The following NBPF11 variants were observed in gnomAD, a reference collection of about 807,000 sequenced individuals.
NBPF11 encodes the protein NBPF member 11.
In NBPF11, 72 loss-of-function variants were observed where a neutral mutation model predicts 93.9. That is an observed-to-expected ratio of 0.77 (90% confidence interval 0.63 to 0.93). NBPF11 has a LOEUF of 0.93. NBPF11 is among the 40% of genes least tolerant of loss of function. The pLI, the probability that NBPF11 is intolerant of heterozygous loss-of-function variation, is 0.00. For synonymous variants in NBPF11, 224 were observed against 304.9 expected (o/e 0.73, Z 2.76); for missense variants, 705 against 802.2 (o/e 0.88, Z 1.46).
intron 4 of NBPF11, among the ~76,000 whole-genome samples, chr1:148,129,097 TA>T (rs1669756567): frequency 6.9e-6 from 1 of 145,960 alleles, no homozygotes; most frequent in Non-Finnish European, 1.5e-5. Flanking sequence ...CGTGTATATA[TA>T]TATATAATAT....
At chr1:148,144,818 A>G (rs1672741047) in intron 1 of NBPF11, among the ~76,000 whole-genome samples, 1 of 151,696 alleles carries the variant, frequency 6.6e-6, no homozygotes, top group Non-Finnish European at 1.5e-5. Context: ...AAAAAATAAA[A>G]AATTAGCTGG....
At chr1:148,144,764 A>C (rs1672734542) in intron 1 of NBPF11, among the ~76,000 whole-genome samples, 1 of 152,074 alleles carries the variant, frequency 6.6e-6, no homozygotes, top group South Asian at 2.1e-4. Flanking sequence ...ACTGAGCCCA[A>C]GTGTTTGAAA....
Position 148,103,325 on chromosome 1 carries a change from A to C in NBPF11, c.*571T>G. On this transcript the variant is annotated 3_prime_UTR_variant, in exon 24 of 24. Coordinates refer to ENST00000682118, the MANE Select transcript of NBPF11 (RefSeq NM_001385469.3). The stretch of plus-strand genomic sequence containing the variant: ...TGGATGAGCTAAACACAAAGATGAC[A>C]CTGACCTTGAGCAGGTATAGAAGCT... 1 of 381,126 alleles carries C rather than the reference A, an allele frequency of 2.6e-6. No homozygotes were observed. The highest frequency in any genetic ancestry group is 2.4e-5 in the South Asian group (1 of 42,530). 23.6% of individuals were successfully genotyped at this position (381,126 alleles called of 1,614,324 possible).
chr1:148,123,336 A>C (rs1668335074), intron 7 of NBPF11, among the ~76,000 whole-genome samples: 1 of 152,234 alleles, frequency 6.6e-6, no homozygotes, highest in Admixed American at 6.5e-5. Context: ...TGCCTTCTCC[A>C]ACACCACACG....
At chr1:148,111,648 G>A (rs1203775000) in intron 15 of NBPF11, among the ~76,000 whole-genome samples, 1 of 151,376 alleles carries the variant, frequency 6.6e-6, no homozygotes, top group Non-Finnish European at 1.5e-5. Context: ...GCAAGAAACG[G>A]TATCAGTGAT....
In NBPF11 at chr1:148,127,032, T is replaced by C. The variant is rs1424599636; in HGVS notation, c.-29A>G. ...GACGTTTGTGGCAGAAGAGGTGGAG[T>C]CAGGGACTGGGGAGAAGAAACCCAA... On this transcript the variant is annotated 5_prime_UTR_variant, in exon 5 of 24. Transcript: ENST00000682118. 1.8e-5 allele frequency: 11 copies of C among 622,264 alleles called. No homozygotes were observed. Among genetic ancestry groups the C allele is most frequent in the South Asian group, 6.9e-5 (4 of 58,194 alleles). The allele number at this position is 622,264 out of a possible 1,614,324, so 38.5% of individuals were successfully genotyped here. A position where few individuals can be genotyped will look rare whatever the true frequency, so the allele number is the denominator to read the frequency against.
intron 3 of NBPF11, among the ~76,000 whole-genome samples, chr1:148,137,355 A>G (rs1671475119): frequency 6.6e-6 from 1 of 151,732 alleles, no homozygotes; most frequent in African/African-American, 2.4e-5. Flanking sequence ...GCTGACAGCC[A>G]GCACAGAAAA....
At chr1:148,124,786 C>T (rs1286145367) in intron 6 of NBPF11, 113 bp downstream of exon 6, 3 of 985,446 alleles carry the variant, frequency 3.0e-6, no homozygotes, top group East Asian at 2.4e-5. Context: ...CCTGCCATGG[C>T]AATTTCTGCC....
At chr1:148,119,426 T>C (rs1667308164) in intron 10 of NBPF11, among the ~76,000 whole-genome samples, 1 of 151,822 alleles carries the variant, frequency 6.6e-6, no homozygotes, top group African/African-American at 2.4e-5. Flanking sequence ...CAGAGGTAGG[T>C]ATTATTGTAG....
intron 15 of NBPF11, among the ~76,000 whole-genome samples, chr1:148,113,183 TAAAG>T: frequency 6.6e-6 from 1 of 152,030 alleles, no homozygotes; most frequent in Admixed American, 6.5e-5. Flanking sequence ...GCAAATTGGA[TAAAG>T]AGTCAAGACC....
At chr1:148,148,926 C>T (rs1180977747) in intron 1 of NBPF11, among the ~76,000 whole-genome samples, 2,070 of 151,280 alleles carry the variant, frequency 0.014, 72 homozygotes, top group African/African-American at 0.048. Flanking sequence ...AGCTAGGAAA[C>T]GCCAGTGAAC....
At chr1:148,129,213 C>T (rs1286597637) in intron 4 of NBPF11, among the ~76,000 whole-genome samples, 1 of 145,194 alleles carries the variant, frequency 6.9e-6, no homozygotes, top group African/African-American at 2.6e-5. Flanking sequence ...TATATACACA[C>T]ACGAATATAT....
At chr1:148,104,405 A>T in intron 23 of NBPF11, 132 bp downstream of exon 23, 1 of 635,270 alleles carries the variant, frequency 1.6e-6, no homozygotes, top group Non-Finnish European at 2.7e-6. Flanking sequence ...TGCAATGAAA[A>T]CCAACAACAA....
chr1:148,111,624 C>T (rs1459214676), intron 15 of NBPF11, among the ~76,000 whole-genome samples: 2 of 151,160 alleles, frequency 1.3e-5, no homozygotes, highest in Non-Finnish European at 2.9e-5. Context: ...CTTCAGTAGC[C>T]AATTCGATCA....
intron 1 of NBPF11, chr1:148,146,856 G>T (rs1256442258): frequency 6.2e-7 from 1 of 1,613,656 alleles, no homozygotes; most frequent in African/African-American, 1.3e-5. Context: ...GTGCCAGCTC[G>T]GGCAGGCCTT....
At chr1:148,149,912 C>T (rs1647859254) in intron 1 of NBPF11, among the ~76,000 whole-genome samples, 1 of 151,828 alleles carries the variant, frequency 6.6e-6, no homozygotes, top group Non-Finnish European at 1.5e-5. Context: ...TACTGCACCT[C>T]TACGAGAATA....
intron 1 of NBPF11, chr1:148,149,077 C>T (rs1647524887): frequency 8.8e-6 from 11 of 1,250,234 alleles, no homozygotes; most frequent in Middle Eastern, 5.5e-4. Context: ...GGGTCGCATC[C>T]GGAGCTGGGC....
chr1:148,118,475 A>G (rs1401087410), intron 11 of NBPF11, 145 bp downstream of exon 11: 3 of 718,540 alleles, frequency 4.2e-6, no homozygotes, highest in Non-Finnish European at 7.4e-6. Context: ...TCTCTGTTTG[A>G]TAAATATTTG....
intron 17 of NBPF11, among the ~76,000 whole-genome samples, chr1:148,109,064 G>T (rs1411176869): frequency 9.3e-3 from 1,265 of 135,422 alleles, no homozygotes; most frequent in African/African-American, 0.037. Flanking sequence ...TACAGCTTTT[G>T]AGGTATGGTC....
Sources: allele counts gnomAD v4.1 joint callset (sites outside exome capture counted in the v4.1 genomes callset), GRCh38; gene constraint gnomAD v4.1.1; transcripts MANE v1.5; gene names NCBI Gene and HGNC (gene_info 2026-07-23, HGNC 2026-07-21).